GALNT13: variants seen among roughly 807,000 people sequenced by gnomAD.
GALNT13 encodes UDP-GalNAc:polypeptide N-acetylgalactosaminyltransferase 13.
Under a neutral mutation model 64.2 loss-of-function variants are expected in GALNT13, and 28 were observed. That is an observed-to-expected ratio of 0.44 (90% CI 0.32 to 0.60). The LOEUF is 0.60. Ranked by LOEUF, GALNT13 falls within the 20% of genes least tolerant of loss-of-function variation. The pLI is 0.05. For synonymous variants in GALNT13, 214 were observed against 224.6 expected (o/e 0.95, Z 0.42); for missense variants, 577 against 669.8 (o/e 0.86, Z 1.53).
chr2:154,086,518 G>C (rs1318984893), intron 3 of GALNT13, among the ~76,000 whole-genome samples: 1 of 150,700 alleles, frequency 6.6e-6, no homozygotes, highest in African/African-American at 2.4e-5. Flanking sequence ...AACTTCTTCA[G>C]GGTTCTGTAT....
At chr2:153,545,439 G>T in the GALNT13 span, among the ~76,000 whole-genome samples, 1 of 152,178 alleles carries the variant, frequency 6.6e-6, no homozygotes, top group Non-Finnish European at 1.5e-5. Context: ...GAAAATGCCT[G>T]CTTTGTCTTG....
intron 4 of GALNT13, among the ~76,000 whole-genome samples, chr2:154,201,977 C>G (rs1318931723): frequency 6.6e-6 from 1 of 152,146 alleles, no homozygotes; most frequent in Non-Finnish European, 1.5e-5. Context: ...TGTCCCTTGA[C>G]AATTACATTT....
intron 2 of GALNT13, among the ~76,000 whole-genome samples, chr2:153,908,450 C>T (rs994044694): frequency 3.9e-5 from 6 of 152,098 alleles, no homozygotes; most frequent in East Asian, 3.9e-4. Context: ...GTGTTTTTGT[C>T]GTGAAACCTT....
chr2:154,092,703 G>C (rs963111936), intron 3 of GALNT13, among the ~76,000 whole-genome samples: 1 of 152,036 alleles, frequency 6.6e-6, no homozygotes, highest in Admixed American at 6.6e-5. Context: ...CATTTACAGA[G>C]AAACATCATT....
At chr2:153,488,682 A>G in the GALNT13 span, among the ~76,000 whole-genome samples, 1 of 152,202 alleles carries the variant, frequency 6.6e-6, no homozygotes, top group African/African-American at 2.4e-5. Flanking sequence ...ATACATCCAG[A>G]GCTATTTCCA....
chr2:153,214,865 G>A, the GALNT13 span, among the ~76,000 whole-genome samples: 4 of 152,100 alleles, frequency 2.6e-5, no homozygotes, highest in Admixed American at 6.5e-5. Flanking sequence ...TTCTATTGGA[G>A]AAATCTTGAT....
chr2:153,092,983 G>A, the GALNT13 span, among the ~76,000 whole-genome samples: 2 of 151,862 alleles, frequency 1.3e-5, no homozygotes, highest in Non-Finnish European at 2.9e-5. Flanking sequence ...TTAGCTGTTG[G>A]TCTGTCACAT....
At chr2:153,345,593 C>G in the GALNT13 span, among the ~76,000 whole-genome samples, 1 of 147,748 alleles carries the variant, frequency 6.8e-6, no homozygotes, top group African/African-American at 2.4e-5. Context: ...CCAACCCCCA[C>G]GTGCCCTCCC....
At chr2:153,854,581 CA>C in the GALNT13 span, among the ~76,000 whole-genome samples, 1 of 151,236 alleles carries the variant, frequency 6.6e-6, no homozygotes, top group East Asian at 1.9e-4. Flanking sequence ...AACTCTGCCT[CA>C]AAAAAACCCC....
At position 154,451,775 on chromosome 2, in the gene GALNT13, A is replaced by C. The variant is rs943437823; in HGVS notation, c.*1224A>C. On this transcript the variant is annotated 3_prime_UTR_variant, in exon 13 of 13. Coordinates refer to ENST00000392825, the MANE Select transcript of GALNT13 (RefSeq NM_052917.4). Reference sequence around the variant, plus strand: ...AGTGAAAAAAAATCAGATTTTTGCTAGTAAGTTTTTATATTTGACATCATT... The same window carrying C: ...AGTGAAAAAAAATCAGATTTTTGCTCGTAAGTTTTTATATTTGACATCATT... 2.0e-5 allele frequency: 3 copies of C among 152,132 alleles called. No individual in the cohort carries two copies. The highest frequency in any genetic ancestry group is 7.2e-5 in the African/African-American group (3 of 41,434). The allele number at this position is 152,132 out of a possible 1,614,324, so 9.4% of individuals were successfully genotyped here. A position where few individuals can be genotyped will look rare whatever the true frequency, so the allele number is the denominator to read the frequency against.
chr2:154,165,889 C>T (rs957892369), intron 4 of GALNT13, among the ~76,000 whole-genome samples: 3 of 152,100 alleles, frequency 2.0e-5, no homozygotes, highest in Admixed American at 6.6e-5. Context: ...AAAAGATTTT[C>T]GATTGATTAC....
At chr2:153,355,750 C>T in the GALNT13 span, among the ~76,000 whole-genome samples, 5 of 152,190 alleles carry the variant, frequency 3.3e-5, no homozygotes, top group Non-Finnish European at 5.9e-5. Context: ...AGTGTGAGAG[C>T]AATTATAATG....
At chr2:153,869,547 T>A (rs548075829), upstream of GALNT13, among the ~76,000 whole-genome samples, 3 of 152,308 alleles carry the variant, frequency 2.0e-5, no homozygotes, top group South Asian at 2.1e-4. Context: ...ATGCATTTTT[T>A]AATCTGGAAT....
At chr2:153,494,437 G>T in the GALNT13 span, among the ~76,000 whole-genome samples, 1 of 151,886 alleles carries the variant, frequency 6.6e-6, no homozygotes, top group African/African-American at 2.4e-5. Flanking sequence ...ATAGAATAGA[G>T]GGTCTAGAAA....
chr2:153,879,538 A>AT lies in GALNT13; in HGVS notation c.-177+7249dup, dbSNP rs35455789. Among the ~76,000 whole-genome samples, 1,061 of 146,288 alleles carry AT rather than the reference A, an allele frequency of 7.3e-3. 8 individuals carry two copies. The highest frequency in any genetic ancestry group is 0.022 in the African/African-American group (873 of 39,940). ...TGCTGCCATGTCAGGCTAATTTTTA[A>AT]TTTTTTTTTTTTTTGGTAGAGACAG... On this transcript the variant is annotated intron_variant, in intron 1 of 12. Transcript: ENST00000392825.
At chr2:153,197,422 G>A in the GALNT13 span, among the ~76,000 whole-genome samples, 1 of 152,228 alleles carries the variant, frequency 6.6e-6, no homozygotes, top group Non-Finnish European at 1.5e-5. Context: ...CAGAAGATAT[G>A]CTATATCAAT....
the GALNT13 span, among the ~76,000 whole-genome samples, chr2:153,823,946 T>C: frequency 2.0e-5 from 3 of 152,058 alleles, no homozygotes; most frequent in Non-Finnish European, 4.4e-5. Context: ...CCCATTAAAA[T>C]GTGGGCAAAG....
At chr2:153,755,511 C>A in the GALNT13 span, among the ~76,000 whole-genome samples, 1 of 152,020 alleles carries the variant, frequency 6.6e-6, no homozygotes, top group Non-Finnish European at 1.5e-5. Flanking sequence ...TGATGTTGAG[C>A]ATTTTTTAAT....
At chr2:153,583,949 T>G in the GALNT13 span, among the ~76,000 whole-genome samples, 13 of 152,304 alleles carry the variant, frequency 8.5e-5, no homozygotes, top group Admixed American at 3.9e-4. Context: ...TATGAAGTCC[T>G]GATCTTTAGA....
Sources: gnomAD v4.1 joint callset for allele counts (sites outside exome capture counted in the v4.1 genomes callset) on GRCh38, gnomAD v4.1.1 for gene constraint, MANE v1.5 for transcripts, NCBI Gene and HGNC (gene_info 2026-07-23, HGNC 2026-07-21) for gene names.